Variants in LYST observed in about 807,000 individuals in gnomAD.
LYST encodes lysosomal-trafficking regulator.
A neutral mutation model predicts 413.6 loss-of-function variants in LYST; 192 were observed. That is an observed-to-expected ratio of 0.46 (90% CI 0.41 to 0.52). LYST has a LOEUF of 0.52. Among genes scored for constraint, LYST ranks in the 20% least tolerant of loss-of-function variants. LYST has a pLI of 0.00. For missense variants in LYST, 3,815 were observed against 4,499.9 expected, an observed-to-expected ratio of 0.85 and a Z score of 4.35; for synonymous variants, 1,525 against 1,567.3, an observed-to-expected ratio of 0.97 and a Z score of 0.64.
intron 12 of LYST, 78 bp from the exon 13 acceptor site, chr1:235,788,923 A>G: frequency 7.2e-7 from 1 of 1,379,740 alleles, no homozygotes. Flanking sequence ...AGAAGAATAC[A>G]AAGCAAATTT....
chr1:235,842,983 A>G (rs1477196293), intron 1 of LYST, among the ~76,000 whole-genome samples: 3 of 152,168 alleles, frequency 2.0e-5, no homozygotes, highest in African/African-American at 7.2e-5. Flanking sequence ...ATGACCACAT[A>G]TATTCTTCAC....
At chr1:235,775,600 G>C (rs576518026) in intron 17 of LYST, among the ~76,000 whole-genome samples, 1 of 152,264 alleles carries the variant, frequency 6.6e-6, no homozygotes, top group South Asian at 2.1e-4. Flanking sequence ...GGCCAAAGAA[G>C]AATGAGACAA....
intron 28 of LYST, among the ~76,000 whole-genome samples, chr1:235,750,421 T>C (rs1387843164): frequency 6.6e-6 from 1 of 152,198 alleles, no homozygotes; most frequent in Non-Finnish European, 1.5e-5. Flanking sequence ...TTGCATAGCA[T>C]TGAACACAGA....
At chr1:235,769,494 C>T (rs1196999135) in intron 20 of LYST, among the ~76,000 whole-genome samples, 1 of 151,988 alleles carries the variant, frequency 6.6e-6, no homozygotes, top group Non-Finnish European at 1.5e-5. Context: ...TTACTGATCT[C>T]ATGGAGTATC....
chr1:235,868,897 G>T (rs1007081286), upstream of LYST, among the ~76,000 whole-genome samples: 2 of 151,922 alleles, frequency 1.3e-5, no homozygotes, highest in African/African-American at 4.8e-5. Context: ...GTTTCATCAT[G>T]TTGGTCAGGC....
intron 11 of LYST, among the ~76,000 whole-genome samples, chr1:235,792,807 G>GAT (rs1249676797): frequency 6.6e-6 from 1 of 151,850 alleles, no homozygotes; most frequent in Non-Finnish European, 1.5e-5. Flanking sequence ...GGGATTACAG[G>GAT]TGCATGCCAC....
In LYST at chr1:235,760,418, T is replaced by C. The variant is rs151304763; in HGVS notation, c.6254-819A>G. 6.0e-3 allele frequency among the ~76,000 whole-genome samples: 909 copies of C among 152,332 alleles called. 5 individuals carry two copies. The highest frequency in any genetic ancestry group is 0.017 in the Middle Eastern group (5 of 294). On this transcript the variant is annotated intron_variant, in intron 22 of 52. Coordinates refer to ENST00000389793, the MANE Select transcript of LYST (RefSeq NM_000081.4). ...TTTTTGCAGTCACTTCTTGCTGTTA[T>C]TAGTGAGAATAGTTTCTTTTCTTGT...
intron 47 of LYST, among the ~76,000 whole-genome samples, chr1:235,688,418 T>G (rs1367157920): frequency 1.3e-5 from 2 of 152,234 alleles, no homozygotes; most frequent in Non-Finnish European, 2.9e-5. Flanking sequence ...TCTTTTGGTT[T>G]TCTTATTGCA....
At chr1:235,724,581 G>A (rs903367732) in intron 38 of LYST, among the ~76,000 whole-genome samples, 4 of 152,026 alleles carry the variant, frequency 2.6e-5, no homozygotes, top group Admixed American at 2.6e-4. Context: ...CACTCTTTGT[G>A]TTGTACATTC....
chr1:235,778,906 G>A lies in LYST; in HGVS notation c.5215-1598C>T, dbSNP rs1471212077. 2.0e-5 allele frequency among the ~76,000 whole-genome samples: 3 copies of A among 150,140 alleles called. No homozygotes were observed. The Admixed American group carries it at 2.0e-4, about 10-fold the overall frequency. ...TTTGAGACAGAGTTTGACTCTTGTTGCCCAGGCTGGAGTGCAATGGCGCAT... is the reference window on the plus strand; with the variant it reads ...TTTGAGACAGAGTTTGACTCTTGTTACCCAGGCTGGAGTGCAATGGCGCAT... On this transcript the variant is annotated intron_variant, in intron 16 of 52. Coordinates refer to ENST00000389793, the MANE Select transcript of LYST (RefSeq NM_000081.4).
In LYST at chr1:235,837,890, T is replaced by C. The variant is rs1023536396; in HGVS notation, c.-97-4223A>G. On this transcript the variant is annotated intron_variant, in intron 1 of 52. Transcript: ENST00000389793. ...TTAAAAAAAAACCTGATTAATATTA[T>C]AGCTTGTTTCTAAGCTGAAACATAG... Among the ~76,000 whole-genome samples, 2 of 152,004 alleles carry C rather than the reference T, an allele frequency of 1.3e-5. 1 individual carries two copies. The highest frequency in any genetic ancestry group is 2.9e-5 in the Non-Finnish European group (2 of 67,994).
chr1:235,761,128 C>G (rs969708406), intron 22 of LYST, among the ~76,000 whole-genome samples: 1 of 151,988 alleles, frequency 6.6e-6, no homozygotes, highest in Non-Finnish European at 1.5e-5. Context: ...AAAAGGAAAA[C>G]TAATAAAAAC....
intron 48 of LYST, among the ~76,000 whole-genome samples, chr1:235,681,167 C>T (rs112325775): frequency 1.4e-4 from 21 of 152,030 alleles, no homozygotes; most frequent in African/African-American, 2.2e-4. Flanking sequence ...CCCTGGAAGA[C>T]GGCATATGAA....
intron 47 of LYST, among the ~76,000 whole-genome samples, chr1:235,692,131 G>A (rs1044528226): frequency 1.3e-5 from 2 of 149,268 alleles, no homozygotes; most frequent in Non-Finnish European, 3.0e-5. Context: ...TCAGGAGTTC[G>A]AGACCAACCT....
rs771845910 is a variant in LYST at position 235,809,081 on chromosome 1, G to A, written c.1737C>T (p.Asn579=). ...TCVQILSGVH[N]IGICCCMDPK... Reference sequence around the variant, plus strand: ...GATCCATACAACAGCATATTCCAATGTTATGAACACCCGATAGGATCTGGA... The same window carrying A: ...GATCCATACAACAGCATATTCCAATATTATGAACACCCGATAGGATCTGGA... The change falls in exon 5 of 53, where the codon AAC becomes AAT. Residue 579 remains asparagine, a synonymous_variant. Coordinates refer to ENST00000389793, the MANE Select transcript of LYST (RefSeq NM_000081.4). The surrounding 1 kb of genome is among the most constrained non-coding windows in gnomAD (Gnocchi z 4.0). The A allele has an allele frequency of 3.1e-6, 5 of 1,613,996 alleles. No individual in the cohort carries two copies. Among genetic ancestry groups the A allele is most frequent in the South Asian group, 2.2e-5 (2 of 91,088 alleles).
chr1:235,714,444 T>A (rs1372247275), intron 42 of LYST, among the ~76,000 whole-genome samples: 1 of 152,194 alleles, frequency 6.6e-6, no homozygotes, highest in Non-Finnish European at 1.5e-5. Flanking sequence ...GAAAGCCCCT[T>A]TTATAGACCA....
At chr1:235,804,416 T>A (rs543888398) in intron 7 of LYST, 88 bp downstream of exon 7, 1 of 1,013,292 alleles carries the variant, frequency 9.9e-7, no homozygotes, top group African/African-American at 1.6e-5. Flanking sequence ...TATGCTCTAA[T>A]GACATTCATC....
intron 1 of LYST, among the ~76,000 whole-genome samples, chr1:235,836,373 T>C (rs1676578238): frequency 6.6e-6 from 1 of 152,314 alleles, no homozygotes; most frequent in East Asian, 1.9e-4. Flanking sequence ...TCAGGTCATG[T>C]TAATTCGATG....
chr1:235,877,854 C>CAAA (rs1681210527), intron 1 of LYST, among the ~76,000 whole-genome samples: 1 of 39,960 alleles, frequency 2.5e-5, no homozygotes, highest in African/African-American at 2.0e-4. Context: ...ATATCTGCCA[C>CAAA]CAAAAAAAAA....
Sources: allele counts gnomAD v4.1 joint callset (sites outside exome capture counted in the v4.1 genomes callset), GRCh38; gene constraint gnomAD v4.1.1; non-coding constraint Gnocchi (gnomAD v3.1); transcripts MANE v1.5; gene names NCBI Gene and HGNC (gene_info 2026-07-23, HGNC 2026-07-21).